FRMD4A: variants seen among roughly 807,000 people sequenced by gnomAD.
FRMD4A encodes the protein FERM domain-containing protein 4A.
Under a neutral mutation model 129.1 loss-of-function variants are expected in FRMD4A, and 29 were observed. The observed-to-expected ratio is 0.22, with a 90% CI of 0.17 to 0.31. The LOEUF (loss-of-function observed/expected upper bound fraction) is 0.31, where lower values mean the gene tolerates loss of function less well. FRMD4A is among the 10% of genes least tolerant of loss of function. The pLI is 1.00. For synonymous variants in FRMD4A, 634 were observed against 571.6 expected, an observed-to-expected ratio of 1.11 and a Z score of -1.56; for missense variants, 1,272 against 1,375.8, an observed-to-expected ratio of 0.92 and a Z score of 1.19.
chr10:14,132,278 A>C (rs1211618559), intron 2 of FRMD4A, among the ~76,000 whole-genome samples: 7 of 152,154 alleles, frequency 4.6e-5, no homozygotes, highest in Non-Finnish European at 2.9e-5. Flanking sequence ...ACAGAGCTAG[A>C]CTACTTCTCA....
intron 2 of FRMD4A, among the ~76,000 whole-genome samples, chr10:13,879,571 C>T (rs1252535769): frequency 6.6e-6 from 1 of 152,156 alleles, no homozygotes; most frequent in Admixed American, 6.5e-5. Flanking sequence ...ATCAAAAAGA[C>T]ACCATCAGGA....
chr10:13,927,662 C>T (rs1416937425), intron 2 of FRMD4A, among the ~76,000 whole-genome samples: 1 of 152,134 alleles, frequency 6.6e-6, no homozygotes, highest in African/African-American at 2.4e-5. Context: ...ACAAGTGATG[C>T]TAGCATGATA....
At chr10:13,931,398 C>T (rs1188432981) in intron 2 of FRMD4A, among the ~76,000 whole-genome samples, 2 of 152,168 alleles carry the variant, frequency 1.3e-5, no homozygotes. Context: ...CATTCTTTTT[C>T]TAGGCTTCAT....
intron 17 of FRMD4A, among the ~76,000 whole-genome samples, chr10:13,666,894 A>G (rs959301525): frequency 2.1e-5 from 3 of 140,890 alleles, no homozygotes; most frequent in South Asian, 2.3e-4. Context: ...GTCTTTCGGG[A>G]GCTTTTCTTT....
intron 12 of FRMD4A, among the ~76,000 whole-genome samples, chr10:13,725,471 T>C (rs921673635): frequency 4.6e-5 from 7 of 152,250 alleles, no homozygotes; most frequent in Non-Finnish European, 7.3e-5. Flanking sequence ...CTCCTGTGAC[T>C]TTCCAGATTA....
At chr10:13,828,852 G>C (rs1353817194) in intron 3 of FRMD4A, among the ~76,000 whole-genome samples, 1 of 152,156 alleles carries the variant, frequency 6.6e-6, no homozygotes, top group Non-Finnish European at 1.5e-5. Context: ...CTTTATCCAA[G>C]TGTCCATTGA....
chr10:14,322,204 AT>A (rs755266767), intron 2 of FRMD4A, among the ~76,000 whole-genome samples: 9 of 152,186 alleles, frequency 5.9e-5, no homozygotes, highest in Non-Finnish European at 1.0e-4. Flanking sequence ...ACGTGAGTAC[AT>A]AGGAGGGGCC....
chr10:14,329,085 G>A (rs924244800), intron 2 of FRMD4A, among the ~76,000 whole-genome samples: 1 of 152,140 alleles, frequency 6.6e-6, no homozygotes. Context: ...TCCCACTGAC[G>A]GCTCTTCCAA....
chr10:14,049,093 T>G (rs1048137533), intron 2 of FRMD4A, among the ~76,000 whole-genome samples: 3 of 152,144 alleles, frequency 2.0e-5, no homozygotes, highest in Non-Finnish European at 4.4e-5. Flanking sequence ...AGTAAGTCAC[T>G]GTGGGAAAAA....
Position 14,037,871 on chromosome 10 carries a change from T to A in FRMD4A, c.46-178959A>T, listed in dbSNP as rs547470122. 1.8e-3 allele frequency among the ~76,000 whole-genome samples: 270 copies of A among 152,300 alleles called. 1 individual carries two copies. Among genetic ancestry groups the A allele is most frequent in the African/African-American group, 6.4e-3 (264 of 41,558 alleles). On this transcript the variant is annotated intron_variant, in intron 2 of 24. Coordinates refer to ENST00000357447, the MANE Select transcript of FRMD4A (RefSeq NM_018027.5). The stretch of plus-strand genomic sequence containing the variant: ...TCTCCTTTCATAAGCCAAAATGCTG[T>A]TTCACAAAATTTCCCCAAGACCAAT...
At chr10:14,052,081 A>G (rs1834288063) in intron 2 of FRMD4A, among the ~76,000 whole-genome samples, 1 of 152,202 alleles carries the variant, frequency 6.6e-6, no homozygotes. Context: ...CCATGGGCCA[A>G]TGGAAGCAGG....
intron 2 of FRMD4A, among the ~76,000 whole-genome samples, chr10:14,022,341 C>T (rs1009188515): frequency 2.6e-5 from 4 of 152,110 alleles, no homozygotes; most frequent in African/African-American, 9.7e-5. Flanking sequence ...AGAAGAGGCT[C>T]GCTGTCTTGC....
chr10:13,957,087 C>T (rs575922315), intron 2 of FRMD4A, among the ~76,000 whole-genome samples: 91 of 152,306 alleles, frequency 6.0e-4, no homozygotes, highest in African/African-American at 2.1e-3. Flanking sequence ...GAAACCCAAA[C>T]AGTTTATGAA....
At chr10:13,846,528 G>A (rs774030212) in intron 3 of FRMD4A, among the ~76,000 whole-genome samples, 2 of 152,192 alleles carry the variant, frequency 1.3e-5, no homozygotes, top group Non-Finnish European at 2.9e-5. Flanking sequence ...TTTGAGAATC[G>A]TTGGTCTACA....
At chr10:14,139,969 A>G (rs1336244683) in intron 2 of FRMD4A, among the ~76,000 whole-genome samples, 1 of 152,198 alleles carries the variant, frequency 6.6e-6, no homozygotes, top group African/African-American at 2.4e-5. Context: ...TTTCTTTATA[A>G]TTCACATTAA....
intron 2 of FRMD4A, among the ~76,000 whole-genome samples, chr10:14,174,879 CTGTGTGTGTGTGTGTGTGTG>C (rs56966643): frequency 2.4e-4 from 21 of 87,558 alleles, no homozygotes; most frequent in Non-Finnish European, 1.2e-4. Context: ...GTGTGTGTGT[CTGTGTGTGTGTGTGTGTGTG>C]TGTGTGTGTG....
At chr10:13,662,093 A>G (rs1282916981) in intron 19 of FRMD4A, among the ~76,000 whole-genome samples, 2 of 152,050 alleles carry the variant, frequency 1.3e-5, no homozygotes, top group Admixed American at 6.6e-5. Context: ...GACATTACCT[A>G]TTGCTCCAGG....
intron 2 of FRMD4A, among the ~76,000 whole-genome samples, chr10:13,884,725 G>C (rs569398133): frequency 6.6e-6 from 1 of 152,200 alleles, no homozygotes; most frequent in East Asian, 1.9e-4. Context: ...CCTTTTCACA[G>C]CTAGAAGACT....
intron 2 of FRMD4A, among the ~76,000 whole-genome samples, chr10:14,162,791 G>C (rs565184319): frequency 3.9e-5 from 6 of 152,216 alleles, no homozygotes; most frequent in African/African-American, 1.4e-4. Context: ...ACAGCATAGA[G>C]TAAATGTTAA....
Sources: allele counts gnomAD v4.1 joint callset (sites outside exome capture counted in the v4.1 genomes callset), GRCh38; gene constraint gnomAD v4.1.1; transcripts MANE v1.5; gene names NCBI Gene and HGNC (gene_info 2026-07-23, HGNC 2026-07-21).